NRXN3: variants seen among roughly 807,000 people sequenced by gnomAD.
The protein encoded by NRXN3 is neurexin III.
In NRXN3, 32 loss-of-function variants were observed where a neutral mutation model predicts 137.6. That is an observed-to-expected ratio of 0.23 (90% CI 0.18 to 0.31). NRXN3 has a LOEUF of 0.31. NRXN3 is among the 10% of genes least tolerant of loss of function. The pLI, the probability that NRXN3 is intolerant of heterozygous loss-of-function variation, is 1.00. For missense variants in NRXN3, 1,574 were observed against 2,062.5 expected, an observed-to-expected ratio of 0.76 and a Z score of 4.59; for synonymous variants, 798 against 784.5, an observed-to-expected ratio of 1.02 and a Z score of -0.29.
chr14:78,655,918 T>G (rs1481931803), intron 6 of NRXN3, among the ~76,000 whole-genome samples: 3 of 152,156 alleles, frequency 2.0e-5, no homozygotes, highest in Non-Finnish European at 4.4e-5. Context: ...TTTCTTATTG[T>G]GTTCTCACAT....
intron 16 of NRXN3, among the ~76,000 whole-genome samples, chr14:79,486,945 CTCTCTCTCTCTCTCT>C (rs1217983703): frequency 2.3e-4 from 35 of 150,978 alleles, no homozygotes; most frequent in Non-Finnish European, 4.6e-4. Context: ...CTCTCTCTCT[CTCTCTCTCTCTCTCT>C]CCCACACACA....
intron 15 of NRXN3, among the ~76,000 whole-genome samples, chr14:79,452,311 A>T (rs1474903853): frequency 1.3e-5 from 2 of 152,190 alleles, no homozygotes; most frequent in Non-Finnish European, 2.9e-5. Context: ...GTATTTTTCC[A>T]TAAAATTGCA....
chr14:79,216,200 G>C (rs7160745), intron 15 of NRXN3, among the ~76,000 whole-genome samples: 4,263 of 152,262 alleles, frequency 0.028, 143 homozygotes, highest in East Asian at 0.098. Flanking sequence ...GAAGGCTGAA[G>C]TTAGCTGAGA....
In NRXN3 at chr14:79,573,736, G is replaced by T. The variant is rs894230503; in HGVS notation, c.3445-90042G>T. Among the ~76,000 whole-genome samples the T allele has an allele frequency of 2.6e-5, 4 of 151,698 alleles. No homozygotes were observed. In the South Asian group the frequency reaches 6.3e-4, roughly 24 times the overall value. ...TGTAAGACTTATATATAATAATGAA[G>T]TTGTCTTGGAGGGCTGCCATGTCCG... On this transcript the variant is annotated intron_variant, in intron 16 of 20. Coordinates refer to ENST00000335750, the MANE Select transcript of NRXN3 (RefSeq NM_001330195.2).
At chr14:78,633,687 G>A (rs1429487540) in intron 4 of NRXN3, among the ~76,000 whole-genome samples, 2 of 152,208 alleles carry the variant, frequency 1.3e-5, no homozygotes, top group African/African-American at 4.8e-5. Flanking sequence ...TCTAGGATTT[G>A]CACCTCCGCA....
At chr14:79,754,216 G>A (rs1210713010) in intron 19 of NRXN3, among the ~76,000 whole-genome samples, 2 of 151,618 alleles carry the variant, frequency 1.3e-5, no homozygotes, top group Non-Finnish European at 2.9e-5. Context: ...GTGGCACATG[G>A]CTGTAATCCC....
At chr14:78,815,978 T>C (rs2098931692) in intron 10 of NRXN3, among the ~76,000 whole-genome samples, 2 of 152,200 alleles carry the variant, frequency 1.3e-5, no homozygotes. Flanking sequence ...TGTCAAACTA[T>C]AAGCAAGCTA....
chr14:79,051,698 AGAG>A (rs1172647071), intron 15 of NRXN3, among the ~76,000 whole-genome samples: 1 of 152,262 alleles, frequency 6.6e-6, no homozygotes, highest in East Asian at 1.9e-4. Context: ...AGCCCTGGTC[AGAG>A]GAACCTAACA....
chr14:78,993,203 GTTTA>G (rs1456432400), intron 15 of NRXN3, among the ~76,000 whole-genome samples: 2 of 152,050 alleles, frequency 1.3e-5, no homozygotes, highest in African/African-American at 2.4e-5. Flanking sequence ...TATTGTGTGG[GTTTA>G]TTTATTTTTT....
intron 15 of NRXN3, among the ~76,000 whole-genome samples, chr14:79,397,516 A>T (rs1479248401): frequency 2.0e-5 from 3 of 152,194 alleles, no homozygotes; most frequent in Non-Finnish European, 4.4e-5. Context: ...CTTGAGCTTC[A>T]TGGTTCTATA....
At chr14:79,421,506 A>T (rs965113310) in intron 15 of NRXN3, among the ~76,000 whole-genome samples, 4 of 152,180 alleles carry the variant, frequency 2.6e-5, no homozygotes, top group Non-Finnish European at 5.9e-5. Flanking sequence ...GCAGGACTCA[A>T]ACTGATTCTG....
chr14:78,585,118 T>G (rs568944702), intron 4 of NRXN3, among the ~76,000 whole-genome samples: 1 of 107,090 alleles, frequency 9.3e-6, no homozygotes, highest in Non-Finnish European at 1.8e-5. Flanking sequence ...TGGAGAAAAA[T>G]AAGAAGAAAT....
chr14:78,250,127 C>CT (rs1350617015), intron 2 of NRXN3: 1 of 515,214 alleles, frequency 1.9e-6, no homozygotes, highest in African/African-American at 1.9e-5. Flanking sequence ...GGTTAAATAA[C>CT]TTGCCCAAGA....
intron 4 of NRXN3, among the ~76,000 whole-genome samples, chr14:78,460,402 G>GT (rs1193309576): frequency 1.3e-5 from 2 of 152,178 alleles, no homozygotes; most frequent in Non-Finnish European, 2.9e-5. Flanking sequence ...TCATGCCTTA[G>GT]TTTTTCTGGC....
intron 19 of NRXN3, 123 bp downstream of exon 19, chr14:79,698,060 C>T (rs2098741624): frequency 2.3e-6 from 2 of 877,822 alleles, no homozygotes; most frequent in African/African-American, 3.4e-5. Context: ...CTGGCAGATA[C>T]TCATAGTAAT....
In NRXN3 at chr14:78,532,278, G is replaced by A. The variant is rs1208856604; in HGVS notation, c.758-112842G>A. The stretch of plus-strand genomic sequence containing the variant: ...GGAAGTTCTGGTGAGCCAAGATCGC[G>A]CCATTGCACTCCAGCCTGGGCAATA... On this transcript the variant is annotated intron_variant, in intron 4 of 20. Transcript: ENST00000335750. Among the ~76,000 whole-genome samples, 4 of 150,816 alleles carry A rather than the reference G, an allele frequency of 2.7e-5. No homozygotes were observed. The East Asian group carries it at 7.8e-4, about 29-fold the overall frequency.
At chr14:79,824,127 A>T (rs1422467768) in intron 20 of NRXN3, among the ~76,000 whole-genome samples, 1 of 152,192 alleles carries the variant, frequency 6.6e-6, no homozygotes, top group East Asian at 1.9e-4. Flanking sequence ...TCATCTGTAC[A>T]TCTGCTGGTT....
chr14:78,976,755 T>C (rs1292416695), intron 14 of NRXN3, among the ~76,000 whole-genome samples: 3 of 152,204 alleles, frequency 2.0e-5, no homozygotes, highest in East Asian at 1.9e-4. Flanking sequence ...GAGAGAGGCG[T>C]ACAACACAAC....
At chr14:79,668,186 C>T (rs1246909886) in intron 17 of NRXN3, among the ~76,000 whole-genome samples, 1 of 152,008 alleles carries the variant, frequency 6.6e-6, no homozygotes, top group Admixed American at 6.6e-5. Context: ...AAAAGTAGCT[C>T]CCTTTCAAGG....
Sources: gnomAD v4.1 joint callset for allele counts (sites outside exome capture counted in the v4.1 genomes callset) on GRCh38, gnomAD v4.1.1 for gene constraint, MANE v1.5 for transcripts, NCBI Gene and HGNC (gene_info 2026-07-23, HGNC 2026-07-21) for gene names.